CSMD1: variants seen among roughly 807,000 people sequenced by gnomAD.
The protein encoded by CSMD1 is CUB and Sushi multiple domains 1.
Under a neutral mutation model 417.5 loss-of-function variants are expected in CSMD1, and 213 were observed. That is an observed-to-expected ratio of 0.51 (90% CI 0.46 to 0.57). CSMD1 has a LOEUF of 0.57. Ranked by LOEUF, CSMD1 falls within the 20% of genes least tolerant of loss-of-function variation. The pLI is 0.00. For synonymous variants in CSMD1, 2,862 were observed against 1,736.8 expected, an observed-to-expected ratio of 1.65 and a Z score of -16.11; for missense variants, 6,923 against 4,529.7, an observed-to-expected ratio of 1.53 and a Z score of -15.17.
At chr8:3,965,435 GGTAGAATGTTTATGC>G (rs1477276500) in intron 5 of CSMD1, among the ~76,000 whole-genome samples, 1 of 152,082 alleles carries the variant, frequency 6.6e-6, no homozygotes, top group Non-Finnish European at 1.5e-5. Flanking sequence ...TCGGAAAAAG[GGTAGAATGTTTATGC>G]GTAGAATTCT....
At chr8:4,050,936 C>G (rs1183314095) in intron 3 of CSMD1, among the ~76,000 whole-genome samples, 1 of 152,010 alleles carries the variant, frequency 6.6e-6, no homozygotes, top group African/African-American at 2.4e-5. Context: ...ATATTCCCAT[C>G]CATGATAAGG....
chr8:3,143,621 C>T (rs1818647585), intron 40 of CSMD1, among the ~76,000 whole-genome samples: 1 of 152,082 alleles, frequency 6.6e-6, no homozygotes, highest in Non-Finnish European at 1.5e-5. Context: ...TTAGTCTTTG[C>T]ATAAGTCCAT....
chr8:4,454,711 T>G (rs1799365100), intron 2 of CSMD1, among the ~76,000 whole-genome samples: 2 of 152,188 alleles, frequency 1.3e-5, no homozygotes, highest in Admixed American at 6.5e-5. Flanking sequence ...AACCTGAAAC[T>G]TTCGGTAAGT....
chr8:4,390,306 T>C (rs955146529), intron 3 of CSMD1, among the ~76,000 whole-genome samples: 9 of 152,046 alleles, frequency 5.9e-5, no homozygotes, highest in Non-Finnish European at 5.9e-5. Context: ...TTATCTCTTA[T>C]TGAAGTTAAT....
chr8:3,817,771 G>A (rs1801472416), intron 5 of CSMD1, among the ~76,000 whole-genome samples: 2 of 152,090 alleles, frequency 1.3e-5, no homozygotes, highest in African/African-American at 4.8e-5. Flanking sequence ...TCTTCCAAAA[G>A]CCCCAATGCA....
chr8:3,619,082 A>C (rs959668283), intron 7 of CSMD1, among the ~76,000 whole-genome samples: 23 of 151,324 alleles, frequency 1.5e-4, no homozygotes, highest in African/African-American at 4.9e-4. Flanking sequence ...ACACTGGGGT[A>C]AGGGATTCCA....
intron 3 of CSMD1, among the ~76,000 whole-genome samples, chr8:4,310,580 G>A (rs573771362): frequency 4.8e-4 from 73 of 152,260 alleles, no homozygotes; most frequent in African/African-American, 1.7e-3. Context: ...ATTTTTGAAA[G>A]TTTTCATAGC....
At chr8:4,206,733 A>G (rs1800003955) in intron 3 of CSMD1, among the ~76,000 whole-genome samples, 1 of 152,182 alleles carries the variant, frequency 6.6e-6, no homozygotes, top group Non-Finnish European at 1.5e-5. Context: ...TAGTATTTCT[A>G]GAGGATTTCA....
intron 1 of CSMD1, among the ~76,000 whole-genome samples, chr8:4,710,038 G>A (rs1216015009): frequency 6.6e-6 from 1 of 152,148 alleles, no homozygotes; most frequent in Non-Finnish European, 1.5e-5. Flanking sequence ...AGGCCACTAA[G>A]CTGACTTGAT....
At chr8:3,175,691 AGACG>A (rs200945727) in intron 37 of CSMD1, among the ~76,000 whole-genome samples, 24,850 of 142,844 alleles carry the variant, frequency 0.17, 2,564 homozygotes, top group African/African-American at 0.37. Context: ...GCAGAGCTTC[AGACG>A]TGGGAACATG....
chr8:3,366,221 G>C (rs1310355307), intron 20 of CSMD1, among the ~76,000 whole-genome samples: 4 of 152,172 alleles, frequency 2.6e-5, no homozygotes, highest in Non-Finnish European at 4.4e-5. Flanking sequence ...CTGTAGTGCA[G>C]CAGGGCCCTT....
intron 10 of CSMD1, among the ~76,000 whole-genome samples, chr8:3,525,178 C>T (rs533355167): frequency 1.3e-5 from 2 of 152,090 alleles, no homozygotes; most frequent in Non-Finnish European, 2.9e-5. Flanking sequence ...TGTCTGTGTT[C>T]TGTGTGAGAC....
chr8:4,103,263 C>A (rs1004580228), intron 3 of CSMD1, among the ~76,000 whole-genome samples: 1 of 5,502 alleles, frequency 1.8e-4, no homozygotes, highest in African/African-American at 3.7e-4. Flanking sequence ...TGTATACATA[C>A]ATTATATATA....
At chr8:2,949,545 T>A (rs1448102801) in intron 67 of CSMD1, among the ~76,000 whole-genome samples, 159 bp from the exon 68 acceptor site, 1 of 107,834 alleles carries the variant, frequency 9.3e-6, no homozygotes, top group Non-Finnish European at 1.9e-5. Flanking sequence ...GACACATTTA[T>A]AGTTAAAGAT....
intron 52 of CSMD1, among the ~76,000 whole-genome samples, chr8:3,001,987 G>A (rs548856401): frequency 3.1e-4 from 47 of 152,276 alleles, no homozygotes; most frequent in African/African-American, 1.0e-3. Context: ...TTATTATCAG[G>A]AAGGTAACAT....
chr8:3,160,673 T>TTATACA (rs370272226), intron 38 of CSMD1, among the ~76,000 whole-genome samples: 19 of 152,340 alleles, frequency 1.2e-4, no homozygotes, highest in African/African-American at 3.4e-4. Context: ...GAAGGTGGCT[T>TTATACA]TATACATTGA....
chr8:3,768,509 A>G (rs1250464922), intron 5 of CSMD1, among the ~76,000 whole-genome samples: 1 of 152,244 alleles, frequency 6.6e-6, no homozygotes, highest in Non-Finnish European at 1.5e-5. Context: ...ACAAGAATAT[A>G]AAATAGCATG....
At chr8:4,891,833 G>T (rs758635066) in intron 1 of CSMD1, among the ~76,000 whole-genome samples, 7 of 152,084 alleles carry the variant, frequency 4.6e-5, no homozygotes, top group Non-Finnish European at 1.0e-4. Context: ...CATTATTTGT[G>T]TAGACTATAC....
At chr8:3,246,143 A>T (rs1319192644) in intron 26 of CSMD1, among the ~76,000 whole-genome samples, 3 of 151,356 alleles carry the variant, frequency 2.0e-5, no homozygotes, top group Admixed American at 6.6e-5. Context: ...TTATTTAAAA[A>T]CCCTTGAGTG....
Sources: gnomAD v4.1 joint callset for allele counts (sites outside exome capture counted in the v4.1 genomes callset) on GRCh38, gnomAD v4.1.1 for gene constraint, MANE v1.5 for transcripts, NCBI Gene and HGNC (gene_info 2026-07-23, HGNC 2026-07-21) for gene names.